The following PGM1 variants were observed in gnomAD, a reference collection of about 807,000 sequenced individuals.
PGM1 encodes phosphoglucomutase-1.
Under a neutral mutation model 55.6 loss-of-function variants are expected in PGM1, and 52 were observed. That is an observed-to-expected ratio of 0.94 (90% CI 0.75 to 1.18). The LOEUF is 1.18. Among genes scored for constraint, PGM1 ranks in the 50% most tolerant of loss-of-function variants. The probability of loss-of-function intolerance (pLI) is 0.00; values close to 1 mark genes in which losing one functional copy is unlikely to be tolerated. For synonymous variants in PGM1, 287 were observed against 271.7 expected, an observed-to-expected ratio of 1.06 and a Z score of -0.55; for missense variants, 724 against 729.3, an observed-to-expected ratio of 0.99 and a Z score of 0.08.
intron 1 of PGM1, among the ~76,000 whole-genome samples, chr1:63,609,018 T>C (rs74078295): frequency 1.2e-3 from 176 of 152,316 alleles, no homozygotes; most frequent in African/African-American, 4.0e-3. Flanking sequence ...ACTGAGGCCA[T>C]TGGAAGGCAG....
intron 1 of PGM1, among the ~76,000 whole-genome samples, chr1:63,619,237 C>T (rs778954499): frequency 1.3e-5 from 2 of 152,228 alleles, no homozygotes; most frequent in African/African-American, 2.4e-5. Flanking sequence ...GACACCTGGC[C>T]TCAGGCCTTC....
chr1:63,631,999 T>A (rs192346219), intron 4 of PGM1, among the ~76,000 whole-genome samples: 3 of 152,306 alleles, frequency 2.0e-5, no homozygotes, highest in African/African-American at 7.2e-5. Context: ...CGTGTGAAGG[T>A]CAGTGTTTCC....
At chr1:63,618,785 T>C (rs1648810891) in intron 1 of PGM1, among the ~76,000 whole-genome samples, 1 of 152,162 alleles carries the variant, frequency 6.6e-6, no homozygotes, top group Non-Finnish European at 1.5e-5. Context: ...CCAAAAGGGA[T>C]TCTCCAGTGG....
intron 4 of PGM1, among the ~76,000 whole-genome samples, chr1:63,632,639 T>C (rs1223748271): frequency 6.6e-6 from 1 of 152,222 alleles, no homozygotes; most frequent in Non-Finnish European, 1.5e-5. Flanking sequence ...GCAAAATGCA[T>C]GCCTGGGGAA....
intron 9 of PGM1, among the ~76,000 whole-genome samples, chr1:63,652,722 G>A (rs1213117861): frequency 6.6e-6 from 1 of 152,148 alleles, no homozygotes; most frequent in Non-Finnish European, 1.5e-5. Context: ...GGTTTGGAAG[G>A]GCCGGGCCGT....
intron 9 of PGM1, among the ~76,000 whole-genome samples, chr1:63,653,671 T>C (rs1649879326): frequency 6.6e-6 from 1 of 152,150 alleles, no homozygotes; most frequent in African/African-American, 2.4e-5. Flanking sequence ...GAGAAGATAA[T>C]TGATGTCCAG....
At position 63,623,784 on chromosome 1, in the gene PGM1, A is replaced by G. The variant is rs377354348; in HGVS notation, c.247-5641A>G. On this transcript the variant is annotated intron_variant, in intron 1 of 10. Coordinates refer to ENST00000371084, the MANE Select transcript of PGM1 (RefSeq NM_002633.3). ...GGGTGGGTATATGATAAGTATTGTT[A>G]TGTTTCTGGCTCTCCAAATAACCTT... is the stretch of plus-strand genomic sequence containing the variant. 10 of 1,544,708 alleles carry G rather than the reference A, an allele frequency of 6.5e-6. No homozygotes were observed. The African/African-American group carries it at 1.1e-4, about 17-fold the overall frequency.
At chr1:63,644,011 C>T (rs1027628086) in intron 7 of PGM1, among the ~76,000 whole-genome samples, 2 of 152,174 alleles carry the variant, frequency 1.3e-5, no homozygotes, top group African/African-American at 4.8e-5. Context: ...AGCTGTCATG[C>T]CCCCATCCTC....
chr1:63,597,792 G>A (rs988024899), intron 1 of PGM1, among the ~76,000 whole-genome samples: 9 of 152,162 alleles, frequency 5.9e-5, no homozygotes, highest in African/African-American at 2.2e-4. Flanking sequence ...AAATGAATGT[G>A]TGCATGTTTT....
At chr1:63,597,476 A>G (rs539547833) in intron 1 of PGM1, among the ~76,000 whole-genome samples, 8 of 152,316 alleles carry the variant, frequency 5.3e-5, no homozygotes, top group Non-Finnish European at 7.4e-5. Context: ...TGGTATTAGG[A>G]CACAATCCAA....
chr1:63,637,363 G>A (rs1248515792), intron 6 of PGM1, among the ~76,000 whole-genome samples: 2 of 152,234 alleles, frequency 1.3e-5, no homozygotes, highest in African/African-American at 4.8e-5. Context: ...GGCTGACTCA[G>A]GATTTGAACC....
Position 63,593,645 on chromosome 1 carries a change from C to T in PGM1, c.157C>T (p.Gln53Ter). 1 of 1,610,812 alleles carries T rather than the reference C, an allele frequency of 6.2e-7. No individual in the cohort carries two copies. Among genetic ancestry groups the T allele is most frequent in the Non-Finnish European group, 8.5e-7 (1 of 1,178,768 alleles). The stretch of plus-strand genomic sequence containing the variant: ...CTCCACCGTGGAGCCGGCGCAGCGG[C>T]AGGAGGCCACGCTGGTGGTGGGCGG... ...IISTVEPAQR[Q>*]EATLVVGGDG... The change falls in exon 1 of 11, where the codon CAG (glutamine) becomes TAG (stop). Residue 53 changes from glutamine (Q) to a stop codon, truncating the protein, a stop_gained. Coordinates refer to ENST00000371084, the MANE Select transcript of PGM1 (RefSeq NM_002633.3). LOFTEE classifies it high-confidence loss of function.
chr1:63,649,447 A>G (rs1181337625), intron 8 of PGM1, among the ~76,000 whole-genome samples: 1 of 152,202 alleles, frequency 6.6e-6, no homozygotes, highest in Admixed American at 6.5e-5. Flanking sequence ...ATTTTTCTGG[A>G]CCTCAGTATT....
At chr1:63,613,610 G>A (rs1401393221) in intron 1 of PGM1, among the ~76,000 whole-genome samples, 2 of 151,068 alleles carry the variant, frequency 1.3e-5, no homozygotes, top group Non-Finnish European at 2.9e-5. Flanking sequence ...CCCTAATCCA[G>A]TATGCTCTCA....
At chr1:63,606,742 T>C (rs1049367172) in intron 1 of PGM1, among the ~76,000 whole-genome samples, 1 of 152,234 alleles carries the variant, frequency 6.6e-6, no homozygotes, top group Non-Finnish European at 1.5e-5. Flanking sequence ...AGAATTGATG[T>C]TGGGAAACAA....
At chr1:63,626,572 A>G (rs912167803) in intron 1 of PGM1, among the ~76,000 whole-genome samples, 1 of 151,934 alleles carries the variant, frequency 6.6e-6, no homozygotes, top group African/African-American at 2.4e-5. Context: ...TTTTAAGTTA[A>G]AAAATATTTA....
chr1:63,623,756 A>G (rs765310432), intron 1 of PGM1: 23 of 1,606,538 alleles, frequency 1.4e-5, no homozygotes, highest in African/African-American at 6.7e-5. Context: ...GCAGCTGCCA[A>G]TGGGGTGGGT....
At chr1:63,600,452 A>G (rs1179255296) in intron 1 of PGM1, among the ~76,000 whole-genome samples, 1 of 152,060 alleles carries the variant, frequency 6.6e-6, no homozygotes, top group Non-Finnish European at 1.5e-5. Context: ...TTTATTGAGC[A>G]CCTATTAGGT....
At chr1:63,616,570 C>G (rs769372135) in intron 1 of PGM1, among the ~76,000 whole-genome samples, 21 of 152,140 alleles carry the variant, frequency 1.4e-4, no homozygotes, top group Non-Finnish European at 2.9e-4. Context: ...CTTGAGTCTT[C>G]CTGAGGTGTA....
Sources: gnomAD v4.1 joint callset for allele counts (sites outside exome capture counted in the v4.1 genomes callset) on GRCh38, gnomAD v4.1.1 for gene constraint, MANE v1.5 for transcripts, NCBI Gene and HGNC (gene_info 2026-07-23, HGNC 2026-07-21) for gene names.